Variants in THSD7B observed in about 807,000 individuals in gnomAD.
The protein encoded by THSD7B is thrombospondin type-1 domain-containing protein 7B.
A neutral mutation model predicts 213.6 loss-of-function variants in THSD7B; 138 were observed. The ratio of observed to expected loss-of-function variants is 0.65; its 90% CI spans 0.56 to 0.74. The LOEUF (loss-of-function observed/expected upper bound fraction) is 0.74, where lower values mean the gene tolerates loss of function less well. Among genes scored for constraint, THSD7B ranks in the 30% least tolerant of loss-of-function variants. THSD7B has a pLI of 0.00. For missense variants in THSD7B, 1,931 were observed against 1,991.5 expected (o/e 0.97, Z 0.58); for synonymous variants, 742 against 687.0 (o/e 1.08, Z -1.25).
chr2:137,486,785 C>T (rs1377018077), intron 15 of THSD7B, among the ~76,000 whole-genome samples: 2 of 152,184 alleles, frequency 1.3e-5, no homozygotes, highest in Non-Finnish European at 2.9e-5. Flanking sequence ...GAAATTCTAA[C>T]AAACTGTCTC....
chr2:137,276,504 G>T (rs1682876505), intron 12 of THSD7B, among the ~76,000 whole-genome samples: 1 of 151,992 alleles, frequency 6.6e-6, no homozygotes, highest in African/African-American at 2.4e-5. Flanking sequence ...TATCTTACAT[G>T]TCATATGCAT....
intron 15 of THSD7B, among the ~76,000 whole-genome samples, chr2:137,527,569 A>C (rs1680302014): frequency 6.6e-6 from 1 of 151,972 alleles, no homozygotes; most frequent in Admixed American, 6.6e-5. Context: ...CCATCAATTA[A>C]ATTTTATTTT....
chr2:137,550,227 T>TA (rs1038765238), intron 15 of THSD7B, among the ~76,000 whole-genome samples: 29 of 148,458 alleles, frequency 2.0e-4, no homozygotes, highest in South Asian at 8.6e-4. Flanking sequence ...TCAGTCCTGT[T>TA]AAAAAAAAAA....
intron 15 of THSD7B, among the ~76,000 whole-genome samples, chr2:137,517,238 G>T (rs1573679392): frequency 6.6e-6 from 1 of 152,238 alleles, no homozygotes; most frequent in African/African-American, 2.4e-5. Context: ...TCATGATCTT[G>T]TTTGAAGAGA....
At chr2:137,380,298 A>C (rs1685745351) in intron 12 of THSD7B, among the ~76,000 whole-genome samples, 1 of 152,036 alleles carries the variant, frequency 6.6e-6, no homozygotes, top group Non-Finnish European at 1.5e-5. Context: ...ACACAAATCT[A>C]GTTCCAGCTA....
At chr2:136,873,495 G>GT (rs772101990) in intron 1 of THSD7B, among the ~76,000 whole-genome samples, 31 of 152,306 alleles carry the variant, frequency 2.0e-4, no homozygotes, top group Non-Finnish European at 2.9e-4. Flanking sequence ...GATAATACCT[G>GT]TTTTTTCCTT....
chr2:137,404,833 A>G (rs1452707758), intron 12 of THSD7B, among the ~76,000 whole-genome samples: 1 of 151,874 alleles, frequency 6.6e-6, no homozygotes, highest in Non-Finnish European at 1.5e-5. Context: ...AGAATGATAC[A>G]ATGAACTTTG....
In THSD7B at chr2:136,887,300, TTGTGTGTG is replaced by T. The variant is rs3084772; in HGVS notation, c.139+5006_139+5013del. 9.4e-5 allele frequency among the ~76,000 whole-genome samples: 14 copies of T among 148,576 alleles called. No homozygotes were observed. In the East Asian group the frequency reaches 1.0e-3, roughly 11 times the overall value. On this transcript the variant is annotated intron_variant, in intron 2 of 27. Transcript: ENST00000409968. ...GAAATAGAAGAAAACTCCATATTTG[TTGTGTGTG>T]TGTGTGTGTGTGTGTGTGTGTGACA...
intron 2 of THSD7B, among the ~76,000 whole-genome samples, chr2:136,970,869 T>G (rs1685393656): frequency 6.6e-6 from 1 of 152,202 alleles, no homozygotes; most frequent in African/African-American, 2.4e-5. Flanking sequence ...GATTTCTGGA[T>G]AGCAAGTTTG....
In THSD7B at chr2:137,346,236, G is replaced by A. The variant is rs114443433; in HGVS notation, c.2501-59377G>A. Among the ~76,000 whole-genome samples the A allele has an allele frequency of 3.9e-3, 586 of 151,662 alleles. 3 individuals are homozygous for A. The highest frequency in any genetic ancestry group is 0.013 in the African/African-American group (555 of 41,442). Reference sequence around the variant, plus strand: ...AAACAAACTCTCTAGCCACTGAAACGTTATACTCCTTTTCCCTCTTCCCTA... The same window carrying A: ...AAACAAACTCTCTAGCCACTGAAACATTATACTCCTTTTCCCTCTTCCCTA... On this transcript the variant is annotated intron_variant, in intron 12 of 27. Coordinates refer to ENST00000409968, the MANE Select transcript of THSD7B (RefSeq NM_001316349.2).
chr2:137,126,366 G>A (rs186951903), intron 5 of THSD7B, among the ~76,000 whole-genome samples: 4 of 152,246 alleles, frequency 2.6e-5, no homozygotes, highest in African/African-American at 9.6e-5. Context: ...ATTAGCACTT[G>A]CTGCTTCACT....
chr2:136,868,423 G>A (rs1309801669), intron 1 of THSD7B, among the ~76,000 whole-genome samples: 1 of 152,158 alleles, frequency 6.6e-6, no homozygotes, highest in Non-Finnish European at 1.5e-5. Flanking sequence ...GATAATGGAA[G>A]AGACTGCTAG....
intron 12 of THSD7B, among the ~76,000 whole-genome samples, chr2:137,327,934 C>T (rs1042201859): frequency 6.6e-6 from 1 of 152,064 alleles, no homozygotes. Flanking sequence ...GCAGATAGTC[C>T]AAGTTGACAT....
At chr2:137,246,998 G>C (rs1384492575) in intron 10 of THSD7B, among the ~76,000 whole-genome samples, 2 of 152,114 alleles carry the variant, frequency 1.3e-5, no homozygotes, top group African/African-American at 4.8e-5. Flanking sequence ...TGACTTATAA[G>C]CAGTGAAGGA....
rs550785844 is a variant in THSD7B at position 137,573,047 on chromosome 2, G to A, written c.3423+491G>A. ...TTGCCATGTTTCTACTTCTTCCAAA[G>A]CTAACAAAAATACCTTAAAAAAAAA... is the stretch of plus-strand genomic sequence containing the variant. On this transcript the variant is annotated intron_variant, in intron 17 of 27. Coordinates refer to ENST00000409968, the MANE Select transcript of THSD7B (RefSeq NM_001316349.2). Among the ~76,000 whole-genome samples, 7 of 144,944 alleles carry A rather than the reference G, an allele frequency of 4.8e-5. No homozygotes were observed. The South Asian group carries it at 9.2e-4, about 19-fold the overall frequency.
At chr2:137,511,397 A>G (rs1030697157) in intron 15 of THSD7B, among the ~76,000 whole-genome samples, 3 of 152,174 alleles carry the variant, frequency 2.0e-5, no homozygotes, top group Non-Finnish European at 2.9e-5. Context: ...AATGGAGATG[A>G]TATGATGCAG....
chr2:137,230,984 T>C, intron 7 of THSD7B, 60 bp from the exon 8 acceptor site: 13 of 1,508,630 alleles, frequency 8.6e-6, no homozygotes, highest in Non-Finnish European at 1.2e-5. Flanking sequence ...AAGTAATAGA[T>C]AAAGCAGTGA....
chr2:137,579,406 C>T (rs1477860411), intron 17 of THSD7B, among the ~76,000 whole-genome samples: 1 of 152,192 alleles, frequency 6.6e-6, no homozygotes, highest in Non-Finnish European at 1.5e-5. Flanking sequence ...ACTGGAACCA[C>T]ACCATTGACT....
intron 1 of THSD7B, among the ~76,000 whole-genome samples, chr2:136,873,318 CTTACATTTCACACCG>C (rs1361703628): frequency 6.6e-6 from 1 of 152,138 alleles, no homozygotes; most frequent in African/African-American, 2.4e-5. Flanking sequence ...ATGCCACATT[CTTACATTTCACACCG>C]TTTAGGATTC....
Sources: allele counts gnomAD v4.1 joint callset (sites outside exome capture counted in the v4.1 genomes callset), GRCh38; gene constraint gnomAD v4.1.1; transcripts MANE v1.5; gene names NCBI Gene and HGNC (gene_info 2026-07-23, HGNC 2026-07-21).